Variants in FGF14 observed in about 807,000 individuals in gnomAD.
FGF14 encodes the protein fibroblast growth factor 14.
FGF14 carries 5 observed loss-of-function variants against 25.5 expected under a neutral mutation model. The ratio of observed to expected loss-of-function variants is 0.20; its 90% CI spans 0.10 to 0.41. FGF14 has a LOEUF of 0.41. Among genes scored for constraint, FGF14 ranks in the 10% least tolerant of loss-of-function variants. The probability of loss-of-function intolerance (pLI) is 1.00; values close to 1 mark genes in which losing one functional copy is unlikely to be tolerated. For synonymous variants in FGF14, 138 were observed against 118.3 expected (o/e 1.17, Z -1.08); for missense variants, 222 against 320.1 (o/e 0.69, Z 2.34).
intron 1 of FGF14, among the ~76,000 whole-genome samples, chr13:102,246,587 G>A (rs894463081): frequency 3.3e-5 from 5 of 151,934 alleles, no homozygotes; most frequent in Non-Finnish European, 5.9e-5. Flanking sequence ...AGGTTTGTTA[G>A]GCAGTTAATG....
At chr13:102,144,467 AT>A (rs2046769934) in intron 1 of FGF14, among the ~76,000 whole-genome samples, 1 of 152,102 alleles carries the variant, frequency 6.6e-6, no homozygotes, top group Non-Finnish European at 1.5e-5. Flanking sequence ...TCAAATTTAT[AT>A]TAAATGTATT....
intron 3 of FGF14, among the ~76,000 whole-genome samples, chr13:101,806,423 G>GAAA (rs145519828): frequency 0.034 from 2,043 of 60,342 alleles, 57 homozygotes; most frequent in African/African-American, 0.11. Flanking sequence ...CGTCTAAGAA[G>GAAA]AAAAAAAAAA....
In FGF14 at chr13:101,758,020, T is replaced by C. The variant is rs140003700; in HGVS notation, c.409-31210A>G. On this transcript the variant is annotated intron_variant, in intron 3 of 4. Transcript: ENST00000376143. The stretch of plus-strand genomic sequence containing the variant: ...ATTTAGAACTTATATATATAAAACA[T>C]CTAACATGACTGCTTATATTGTAGG... 6.3e-3 allele frequency among the ~76,000 whole-genome samples: 952 copies of C among 152,312 alleles called. 11 individuals carry two copies. The highest frequency in any genetic ancestry group is 0.022 in the African/African-American group (916 of 41,572).
chr13:101,994,838 G>A (rs770520096), intron 1 of FGF14, among the ~76,000 whole-genome samples: 12 of 151,926 alleles, frequency 7.9e-5, no homozygotes, highest in Non-Finnish European at 1.2e-4. Context: ...GCATTCTATA[G>A]TATATTCCCA....
chr13:102,011,794 A>G (rs2040094986), intron 1 of FGF14, among the ~76,000 whole-genome samples: 1 of 152,182 alleles, frequency 6.6e-6, no homozygotes, highest in Admixed American at 6.5e-5. Context: ...CAACAATGTG[A>G]CAGGGTATAA....
At chr13:102,250,444 T>A (rs1182532592) in intron 1 of FGF14, among the ~76,000 whole-genome samples, 1 of 152,098 alleles carries the variant, frequency 6.6e-6, no homozygotes, top group East Asian at 1.9e-4. Flanking sequence ...TGATCAAATA[T>A]CATAGCCTCA....
intron 3 of FGF14, among the ~76,000 whole-genome samples, chr13:101,729,053 G>A (rs929493224): frequency 6.6e-6 from 1 of 151,754 alleles, no homozygotes; most frequent in Non-Finnish European, 1.5e-5. Flanking sequence ...TAAGGATTCT[G>A]ACACTATATC....
intron 3 of FGF14, among the ~76,000 whole-genome samples, chr13:101,831,882 T>C (rs1392839409): frequency 1.3e-5 from 2 of 151,966 alleles, no homozygotes; most frequent in East Asian, 1.9e-4. Context: ...TGGAGAAGGA[T>C]TGGTAGAAAT....
At chr13:102,275,628 C>T (rs185606332) in intron 1 of FGF14, among the ~76,000 whole-genome samples, 12 of 152,230 alleles carry the variant, frequency 7.9e-5, no homozygotes, top group Middle Eastern at 3.4e-3. Context: ...GATATAGAAT[C>T]GGGATCTCAG....
At chr13:101,801,406 G>A (rs2040861901) in intron 3 of FGF14, among the ~76,000 whole-genome samples, 1 of 151,818 alleles carries the variant, frequency 6.6e-6, no homozygotes, top group Non-Finnish European at 1.5e-5. Flanking sequence ...GGAGTATCAA[G>A]TCTCTTGCAA....
At chr13:101,878,315 C>T (rs761993711) in intron 1 of FGF14, among the ~76,000 whole-genome samples, 57 of 152,182 alleles carry the variant, frequency 3.7e-4, no homozygotes, top group Non-Finnish European at 7.3e-4. Context: ...GCCTCCTTTT[C>T]CTCCTCCCCA....
Position 101,880,349 on chromosome 13 carries a change from C to T in FGF14, c.194-5053G>A, listed in dbSNP as rs556949942. On this transcript the variant is annotated intron_variant, in intron 1 of 4. Transcript: ENST00000376143. ...TTGGGAGGCTGAGGTGGGCAGATCA[C>T]CTGAGTTCAGGAGTTCGAGACCAGC... Among the ~76,000 whole-genome samples the T allele has an allele frequency of 2.4e-3, 368 of 152,190 alleles. 5 individuals are homozygous for T. The highest frequency in any genetic ancestry group is 1.5e-3 in the Non-Finnish European group (100 of 68,016).
At chr13:101,736,428 C>T (rs1442185575) in intron 3 of FGF14, among the ~76,000 whole-genome samples, 1 of 152,092 alleles carries the variant, frequency 6.6e-6, no homozygotes, top group Non-Finnish European at 1.5e-5. Flanking sequence ...AGAAATTTAA[C>T]AGAATGTTTT....
intron 3 of FGF14, among the ~76,000 whole-genome samples, chr13:101,851,766 A>G (rs534938952): frequency 6.6e-6 from 1 of 152,184 alleles, no homozygotes; most frequent in South Asian, 2.1e-4. Context: ...AACTCATTCA[A>G]TAGTCACAAT....
At chr13:102,222,813 T>C (rs1374133189) in intron 1 of FGF14, among the ~76,000 whole-genome samples, 1 of 152,128 alleles carries the variant, frequency 6.6e-6, no homozygotes, top group Non-Finnish European at 1.5e-5. Context: ...CTTCTCGAAA[T>C]ACAGCATCAG....
At chr13:101,952,495 G>A (rs2036234536) in intron 1 of FGF14, among the ~76,000 whole-genome samples, 1 of 151,430 alleles carries the variant, frequency 6.6e-6, no homozygotes, top group Non-Finnish European at 1.5e-5. Context: ...TTAGTTTGTT[G>A]CATAAGAATA....
intron 1 of FGF14, among the ~76,000 whole-genome samples, chr13:102,290,347 C>T (rs2054317856): frequency 6.6e-6 from 1 of 152,104 alleles, no homozygotes; most frequent in Non-Finnish European, 1.5e-5. Flanking sequence ...CCTGACAGTG[C>T]CTGGATATTG....
At chr13:102,157,048 G>A (rs1399412546) in intron 1 of FGF14, among the ~76,000 whole-genome samples, 2 of 152,150 alleles carry the variant, frequency 1.3e-5, no homozygotes, top group African/African-American at 2.4e-5. Flanking sequence ...CTCATGGGTA[G>A]GAAGAATCAA....
chr13:102,366,435 G>A (rs2057714643), intron 1 of FGF14: 3 of 152,146 alleles, frequency 2.0e-5, no homozygotes, highest in African/African-American at 7.2e-5. Flanking sequence ...AATGATCTAA[G>A]ATTACTCACA....
Sources: allele counts gnomAD v4.1 joint callset (sites outside exome capture counted in the v4.1 genomes callset), GRCh38; gene constraint gnomAD v4.1.1; transcripts MANE v1.5; gene names NCBI Gene and HGNC (gene_info 2026-07-23, HGNC 2026-07-21).